ADARB2: variants seen among roughly 807,000 people sequenced by gnomAD.
ADARB2 encodes the protein inactive double-stranded RNA-specific editase B2.
A neutral mutation model predicts 62.2 loss-of-function variants in ADARB2; 25 were observed. The ratio of observed to expected loss-of-function variants is 0.40; its 90% CI spans 0.29 to 0.56. ADARB2 has a LOEUF of 0.56. Ranked by LOEUF, ADARB2 falls within the 20% of genes least tolerant of loss-of-function variation. ADARB2 has a pLI of 0.43. For synonymous variants in ADARB2, 572 were observed against 500.8 expected (o/e 1.14, Z -1.90); for missense variants, 1,071 against 1,077.4 (o/e 0.99, Z 0.08).
chr10:1,585,147 A>C (rs1833157205), intron 1 of ADARB2, among the ~76,000 whole-genome samples: 1 of 152,092 alleles, frequency 6.6e-6, no homozygotes, highest in Admixed American at 6.5e-5. Flanking sequence ...ATGTAGGTTC[A>C]TCGACTACAA....
intron 1 of ADARB2, among the ~76,000 whole-genome samples, chr10:1,673,809 G>A (rs755689053): frequency 2.0e-5 from 3 of 152,264 alleles, no homozygotes; most frequent in Non-Finnish European, 4.4e-5. Context: ...GGGCATACCA[G>A]GAGGGGCAGC....
In ADARB2 at chr10:1,559,626, G is replaced by T. The variant is rs148743233; in HGVS notation, c.100+177425C>A. The stretch of plus-strand genomic sequence containing the variant: ...CAGGAGGAGCCTGGGCCGGTGGGGG[G>T]TGGTGCTGAGGTCAGCGGTGGAGGA... On this transcript the variant is annotated intron_variant, in intron 1 of 9. Transcript: ENST00000381312. 8.7e-3 allele frequency among the ~76,000 whole-genome samples: 1,330 copies of T among 152,296 alleles called. 17 individuals carry two copies. Among genetic ancestry groups the T allele is most frequent in the African/African-American group, 0.031 (1,268 of 41,568 alleles).
At chr10:1,188,600 TC>T (rs1415670474) in intron 8 of ADARB2, among the ~76,000 whole-genome samples, 9 of 138,696 alleles carry the variant, frequency 6.5e-5, no homozygotes, top group African/African-American at 2.4e-4. Flanking sequence ...TTTTTTTTTT[TC>T]TTCTACCTTC....
chr10:1,404,488 G>A (rs911149246), intron 1 of ADARB2, among the ~76,000 whole-genome samples: 4 of 152,226 alleles, frequency 2.6e-5, no homozygotes, highest in Non-Finnish European at 4.4e-5. Context: ...AAGAACCAGC[G>A]TGGGCTCCAC....
At chr10:1,686,223 G>C (rs1021670205) in intron 1 of ADARB2, among the ~76,000 whole-genome samples, 1 of 152,232 alleles carries the variant, frequency 6.6e-6, no homozygotes, top group East Asian at 1.9e-4. Flanking sequence ...CTGGGCCATC[G>C]ATCTGCAGGG....
chr10:1,609,327 C>T (rs763987798), intron 1 of ADARB2, among the ~76,000 whole-genome samples: 13 of 152,212 alleles, frequency 8.5e-5, no homozygotes, highest in Non-Finnish European at 1.3e-4. Flanking sequence ...CACAGAGACC[C>T]GCTGGTCACA....
intron 1 of ADARB2, among the ~76,000 whole-genome samples, chr10:1,648,323 C>T (rs1020181686): frequency 3.9e-5 from 6 of 152,148 alleles, no homozygotes; most frequent in Non-Finnish European, 7.3e-5. Context: ...CACAAAGTCA[C>T]GTTCTTTACC....
At chr10:1,412,719 C>A (rs75765756) in intron 1 of ADARB2, among the ~76,000 whole-genome samples, 2 of 152,058 alleles carry the variant, frequency 1.3e-5, no homozygotes, top group Non-Finnish European at 2.9e-5. Context: ...CAGACCTGGG[C>A]GGGGCAGGTG....
intron 1 of ADARB2, among the ~76,000 whole-genome samples, chr10:1,580,408 C>T (rs1434708477): frequency 6.6e-6 from 1 of 151,850 alleles, no homozygotes; most frequent in Non-Finnish European, 1.5e-5. Context: ...TAATGCTATG[C>T]CATATTTCTA....
intron 8 of ADARB2, chr10:1,186,508 G>A (rs370488468): frequency 1.7e-5 from 9 of 519,026 alleles, no homozygotes; most frequent in African/African-American, 1.3e-4. Context: ...TCTACCTGAC[G>A]CGTTCCCCAA....
chr10:1,463,220 GCCTGTGGTGT>G (rs1312741025), intron 1 of ADARB2, among the ~76,000 whole-genome samples: 4 of 152,192 alleles, frequency 2.6e-5, no homozygotes, highest in Non-Finnish European at 5.9e-5. Flanking sequence ...GGGGGCAGAT[GCCTGTGGTGT>G]TCAGCAGTGT....
At chr10:1,575,191 G>A (rs1426575953) in intron 1 of ADARB2, among the ~76,000 whole-genome samples, 1 of 152,058 alleles carries the variant, frequency 6.6e-6, no homozygotes, top group Non-Finnish European at 1.5e-5. Flanking sequence ...CTCATGGAAC[G>A]GCTTGCTTGT....
At chr10:1,209,482 TGCCTACACTGTCGCC>T in intron 7 of ADARB2, among the ~76,000 whole-genome samples, 1 of 106,484 alleles carries the variant, frequency 9.4e-6, no homozygotes, top group African/African-American at 4.4e-5. Flanking sequence ...CCCATGCCCA[TGCCTACACTGTCGCC>T]CATGCCTACA....
At chr10:1,554,535 A>G (rs1159178123) in intron 1 of ADARB2, among the ~76,000 whole-genome samples, 1 of 151,934 alleles carries the variant, frequency 6.6e-6, no homozygotes, top group Non-Finnish European at 1.5e-5. Flanking sequence ...CTGAAGCACA[A>G]CTTTCTTCCC....
At position 1,481,662 on chromosome 10, in the gene ADARB2, G is replaced by T. The variant is rs553078023; in HGVS notation, c.101-102502C>A. Among the ~76,000 whole-genome samples, 23 of 152,022 alleles carry T rather than the reference G, an allele frequency of 1.5e-4. 1 individual carries two copies. The highest frequency in any genetic ancestry group is 6.2e-4 in the South Asian group (3 of 4,810). On this transcript the variant is annotated intron_variant, in intron 1 of 9. Transcript: ENST00000381312. ...TCACGAGGTCAGGAGTTCAAGACCA[G>T]CCTGGCCAACATGGTGAAACCCCAT...
At chr10:1,714,659 G>A (rs1040454225) in intron 1 of ADARB2, among the ~76,000 whole-genome samples, 3 of 152,128 alleles carry the variant, frequency 2.0e-5, no homozygotes, top group Admixed American at 2.0e-4. Context: ...CCCACAGAAG[G>A]CAGGAAGATC....
chr10:1,251,544 A>G (rs1477713692), intron 4 of ADARB2, among the ~76,000 whole-genome samples: 1 of 152,192 alleles, frequency 6.6e-6, no homozygotes, highest in Non-Finnish European at 1.5e-5. Context: ...AATGTCCAAC[A>G]CCGGGAGCGA....
intron 1 of ADARB2, among the ~76,000 whole-genome samples, chr10:1,518,127 G>A (rs1312518831): frequency 1.3e-5 from 2 of 152,186 alleles, no homozygotes; most frequent in Non-Finnish European, 2.9e-5. Context: ...CGTTAGAAAA[G>A]CAAGTGCTCC....
intron 1 of ADARB2, among the ~76,000 whole-genome samples, chr10:1,612,618 A>G (rs529133578): frequency 7.9e-5 from 12 of 152,360 alleles, no homozygotes; most frequent in African/African-American, 2.6e-4. Flanking sequence ...ATCACCTGCC[A>G]GTGATAGAGC....
Sources: allele counts gnomAD v4.1 joint callset (sites outside exome capture counted in the v4.1 genomes callset), GRCh38; gene constraint gnomAD v4.1.1; transcripts MANE v1.5; gene names NCBI Gene and HGNC (gene_info 2026-07-23, HGNC 2026-07-21).